FAM133B: variants seen among roughly 807,000 people sequenced by gnomAD.
FAM133B encodes the protein protein FAM133B.
Under a neutral mutation model 46.4 loss-of-function variants are expected in FAM133B, and 25 were observed. The observed-to-expected ratio is 0.54, with a 90% CI of 0.39 to 0.75. The LOEUF (loss-of-function observed/expected upper bound fraction) is 0.75. FAM133B is among the 30% of genes least tolerant of loss of function. The pLI is 0.00. For synonymous variants in FAM133B, 75 were observed against 86.0 expected (o/e 0.87, Z 0.71); for missense variants, 205 against 277.6 (o/e 0.74, Z 1.86).
intron 1 of FAM133B, among the ~76,000 whole-genome samples, chr7:92,588,603 T>C (rs979174546): frequency 1.3e-5 from 2 of 152,070 alleles, no homozygotes; most frequent in Non-Finnish European, 2.9e-5. Flanking sequence ...AACTACAAAG[T>C]TTTTAAGATG....
chr7:92,579,404 AT>A lies in FAM133B; in HGVS notation c.123-10del, dbSNP rs1353366976. ...GCTCTTTTACTTCTTCCCTTAAAAA[AT>A]AGAATGTACAAACAAAATTTCAAGC... is the stretch of plus-strand genomic sequence containing the variant. On this transcript the variant is annotated splice_polypyrimidine_tract_variant and intron_variant, in intron 2 of 10. Coordinates refer to ENST00000445716, the MANE Select transcript of FAM133B (RefSeq NM_152789.4). 10 of 1,588,378 alleles carry A rather than the reference AT, an allele frequency of 6.3e-6. No individual in the cohort carries two copies. The highest frequency in any genetic ancestry group is 3.3e-4 in the Middle Eastern group (2 of 6,000).
chr7:92,577,985 T>C (rs893486759), intron 5 of FAM133B, 165 bp downstream of exon 5: 7 of 699,080 alleles, frequency 1.0e-5, no homozygotes, highest in Non-Finnish European at 1.7e-5. Context: ...CCGTTTTTTA[T>C]GTCAGTGATA....
intron 1 of FAM133B, among the ~76,000 whole-genome samples, chr7:92,585,899 C>CA (rs1795024489): frequency 6.6e-6 from 1 of 152,180 alleles, no homozygotes; most frequent in African/African-American, 2.4e-5. Flanking sequence ...CACTCCAACT[C>CA]AGAGAGCTGA....
rs1461772329 is a variant in FAM133B, at chr7:92,562,277, T to C, written c.*5A>G. On this transcript the variant is annotated 3_prime_UTR_variant, in exon 11 of 11. Transcript: ENST00000445716. ...TTTATAAGGGAATCCTGATTTTTCT[T>C]AATGTTATGGTGAGTCAGGACTTGA... 1.3e-6 allele frequency: 2 copies of C among 1,526,626 alleles called. No homozygotes were observed. The highest frequency in any genetic ancestry group is 2.0e-5 in the Admixed American group (1 of 49,102). 94.6% of individuals were successfully genotyped at this position (1,526,626 alleles called of 1,614,324 possible).
chr7:92,568,294 A>G (rs1794425045), intron 9 of FAM133B, among the ~76,000 whole-genome samples: 2 of 151,986 alleles, frequency 1.3e-5, no homozygotes, highest in Admixed American at 1.3e-4. Context: ...GGGCGTATGT[A>G]ATATACACCT....
At chr7:92,580,660 C>T (rs540632565) in intron 2 of FAM133B, among the ~76,000 whole-genome samples, 1 of 152,236 alleles carries the variant, frequency 6.6e-6, no homozygotes, top group Non-Finnish European at 1.5e-5. Flanking sequence ...AGTAATAAAT[C>T]TTACCATGAG....
At chr7:92,575,389 C>T (rs2116399517) in intron 8 of FAM133B, among the ~76,000 whole-genome samples, 1 of 152,264 alleles carries the variant, frequency 6.6e-6, no homozygotes, top group East Asian at 1.9e-4. Context: ...AGGAAAATCG[C>T]TTGAACCCAG....
Position 92,590,366 on chromosome 7 carries a change from G to A in FAM133B, c.-75C>T, listed in dbSNP as rs892905214. 1.4e-5 allele frequency: 23 copies of A among 1,606,148 alleles called. No individual in the cohort carries two copies. Among genetic ancestry groups the A allele is most frequent in the Non-Finnish European group, 1.5e-5 (18 of 1,176,102 alleles). ...AGACTGCCGAAGAGGGCCTGCCGCAGGTCCTCTTGCCGCCTCCCCACTCCG... is the reference window on the plus strand; with the variant it reads ...AGACTGCCGAAGAGGGCCTGCCGCAAGTCCTCTTGCCGCCTCCCCACTCCG... On this transcript the variant is annotated 5_prime_UTR_variant, in exon 1 of 11. Coordinates refer to ENST00000445716, the MANE Select transcript of FAM133B (RefSeq NM_152789.4).
At chr7:92,580,483 T>C (rs1243141145) in intron 2 of FAM133B, among the ~76,000 whole-genome samples, 1 of 152,184 alleles carries the variant, frequency 6.6e-6, no homozygotes, top group Non-Finnish European at 1.5e-5. Flanking sequence ...GAGCTTCAAT[T>C]GGTTGCCAAA....
chr7:92,582,312 A>AAC (rs1554390089), intron 1 of FAM133B, among the ~76,000 whole-genome samples: 3 of 132,574 alleles, frequency 2.3e-5, no homozygotes, highest in Admixed American at 7.3e-5. Context: ...AATAACATAA[A>AAC]ATAACATAAC....
intron 2 of FAM133B, among the ~76,000 whole-genome samples, chr7:92,580,086 T>A (rs914775512): frequency 2.0e-5 from 3 of 151,998 alleles, no homozygotes; most frequent in Non-Finnish European, 2.9e-5. Context: ...GAATTTTTTT[T>A]AAAAAGAGAC....
Position 92,577,102 on chromosome 7 carries a change from CCTTA to C in FAM133B, c.462_465del (p.Ser154ArgfsTer4). The C allele has an allele frequency of 6.9e-7, 1 of 1,443,396 alleles. No individual in the cohort carries two copies. The highest frequency in any genetic ancestry group is 2.7e-5 in the Admixed American group (1 of 37,238). The allele number at this position is 1,443,396 out of a possible 1,614,324, so 89.4% of individuals were successfully genotyped here. A position where few individuals can be genotyped will look rare whatever the true frequency, so the allele number is the denominator to read the frequency against. On this transcript the variant is annotated frameshift_variant and splice_region_variant, in exon 7 of 11. Transcript: ENST00000445716. LOFTEE classifies it high-confidence loss of function. ...ATATATTAATAATTTAAATAATTTA[CCTTA>C]CTGTCTGATTCAGTTTCTGACATGG...
Position 92,566,072 on chromosome 7 carries a change from T to C in FAM133B, c.610-11A>G, listed in dbSNP as rs1253334216. ...CTTTTTTGCTCGCACCTAGAAAGTTTAAATTTTTGTGGAGAACAGAAGACA... is the reference window on the plus strand; with the variant it reads ...CTTTTTTGCTCGCACCTAGAAAGTTCAAATTTTTGTGGAGAACAGAAGACA... On this transcript the variant is annotated splice_polypyrimidine_tract_variant and intron_variant, in intron 9 of 10. Coordinates refer to ENST00000445716, the MANE Select transcript of FAM133B (RefSeq NM_152789.4). The C allele has an allele frequency of 9.3e-6, 15 of 1,613,102 alleles. No individual in the cohort carries two copies. The highest frequency in any genetic ancestry group is 2.7e-5 in the African/African-American group (2 of 74,910).
intron 1 of FAM133B, 28 bp downstream of exon 1, chr7:92,590,240 C>T: frequency 6.2e-7 from 1 of 1,613,612 alleles, no homozygotes; most frequent in Non-Finnish European, 8.5e-7. Flanking sequence ...CCTGCGTCGC[C>T]CCACTGTTTT....
chr7:92,581,346 C>T (rs554714885), intron 2 of FAM133B, among the ~76,000 whole-genome samples, 160 bp downstream of exon 2: 65 of 152,302 alleles, frequency 4.3e-4, no homozygotes, highest in African/African-American at 1.3e-3. Flanking sequence ...TAATTGTACA[C>T]GTGTTTCACA....
intron 2 of FAM133B, 78 bp from the exon 3 acceptor site, chr7:92,579,473 T>C: frequency 1.0e-6 from 1 of 957,786 alleles, no homozygotes; most frequent in Non-Finnish European, 1.6e-6. Context: ...CAACAAAATT[T>C]CATAAACTCT....
intron 1 of FAM133B, among the ~76,000 whole-genome samples, chr7:92,583,737 T>C (rs906939211): frequency 2.0e-5 from 3 of 152,046 alleles, no homozygotes; most frequent in Non-Finnish European, 4.4e-5. Context: ...TTTTATTTAT[T>C]ACTATTATTA....
chr7:92,578,216 C>G, intron 4 of FAM133B, 34 bp from the exon 5 acceptor site: 1 of 1,610,148 alleles, frequency 6.2e-7, no homozygotes, highest in Non-Finnish European at 8.5e-7. Context: ...TCTAAATAAG[C>G]TGATGTGAGT....
chr7:92,568,914 T>C (rs975326575), intron 9 of FAM133B, among the ~76,000 whole-genome samples: 1 of 151,806 alleles, frequency 6.6e-6, no homozygotes, highest in Non-Finnish European at 1.5e-5. Context: ...GGGCAATAGG[T>C]CTTAAAGGAC....
Sources: allele counts gnomAD v4.1 joint callset (sites outside exome capture counted in the v4.1 genomes callset), GRCh38; gene constraint gnomAD v4.1.1; transcripts MANE v1.5; gene names NCBI Gene and HGNC (gene_info 2026-07-23, HGNC 2026-07-21).